Variants in HNF4A observed in about 807,000 individuals in gnomAD.
HNF4A encodes hepatocyte nuclear factor 4-alpha.
Under a neutral mutation model 52.4 loss-of-function variants are expected in HNF4A, and 15 were observed. That is an observed-to-expected ratio of 0.29 (90% CI 0.19 to 0.44). HNF4A has a LOEUF of 0.44. Ranked by LOEUF, HNF4A falls within the 20% of genes least tolerant of loss-of-function variation. The pLI is 1.00. For synonymous variants in HNF4A, 280 were observed against 264.4 expected, an observed-to-expected ratio of 1.06 and a Z score of -0.57; for missense variants, 479 against 647.2, an observed-to-expected ratio of 0.74 and a Z score of 2.82.
Position 44,355,841 on chromosome 20 carries a change from G to T in HNF4A, c.37G>T (p.Glu13Ter). Reference sequence around the variant, plus strand: ...GAACGCGCCCCTCGGGGCTCCAGTGGAGAGTTCTTACGGTAAGTGGGGCTG... The same window carrying T: ...GAACGCGCCCCTCGGGGCTCCAGTGTAGAGTTCTTACGGTAAGTGGGGCTG... The change falls in exon 1 of 10, where the codon GAG becomes TAG. Residue 13 changes from glutamate (E) to a stop codon, truncating the protein, a stop_gained. Transcript: ENST00000316673. LOFTEE classifies it high-confidence loss of function. 6.2e-7 allele frequency: 1 copy of T among 1,613,306 alleles called. No individual in the cohort carries two copies.
At chr20:44,369,272 A>AAAAAC (rs1568691507) in intron 1 of HNF4A, among the ~76,000 whole-genome samples, 11 of 148,218 alleles carry the variant, frequency 7.4e-5, no homozygotes, top group African/African-American at 2.5e-4. Context: ...AAAAAAAAAA[A>AAAAAC]AAAAAACTGG....
In HNF4A at chr20:44,430,670, C is replaced by G. The variant is rs1600756081; in HGVS notation, c.*1005C>G. The G allele has an allele frequency of 6.6e-6, 1 of 152,572 alleles. No individual in the cohort carries two copies. Among genetic ancestry groups the G allele is most frequent in the Non-Finnish European group, 1.5e-5 (1 of 68,192 alleles). 9.5% of individuals were successfully genotyped at this position (152,572 alleles called of 1,614,324 possible). ...CTGGAGAGCATAGGGTCTGGAACAC[C>G]AGGCTGAGGTCCTGATCAGCTTCAA... On this transcript the variant is annotated 3_prime_UTR_variant, in exon 10 of 10. Transcript: ENST00000316099.
Position 44,418,475 on chromosome 20 carries a change from C to T in HNF4A, c.699C>T (p.Thr233=), listed in dbSNP as rs754623231. The change falls in exon 6 of 10, where the codon ACC becomes ACT. Residue 233 remains threonine (T), a synonymous_variant. Coordinates refer to ENST00000316099, the MANE Select transcript of HNF4A (RefSeq NM_000457.6). ...GCGAGCACCTGCTGCTCGGAGCCAC[C>T]AAGAGATCCATGGTGTTCAAGGACG... The T allele has an allele frequency of 6.2e-7, 1 of 1,613,674 alleles. No homozygotes were observed. Among genetic ancestry groups the T allele is most frequent in the African/African-American group, 1.3e-5 (1 of 74,942 alleles).
intron 1 of HNF4A, among the ~76,000 whole-genome samples, chr20:44,382,857 T>A (rs2063172692): frequency 6.6e-6 from 1 of 152,134 alleles, no homozygotes; most frequent in Non-Finnish European, 1.5e-5. Context: ...GATTTTTTAC[T>A]TATCTCCATG....
upstream of HNF4A, chr20:44,401,209 C>T: frequency 6.7e-7 from 1 of 1,503,500 alleles, no homozygotes; most frequent in Non-Finnish European, 8.9e-7. Flanking sequence ...GCCTCCACCC[C>T]TTCACAGAGG....
At chr20:44,358,594 G>A (rs1189946220) in intron 1 of HNF4A, among the ~76,000 whole-genome samples, 1 of 151,886 alleles carries the variant, frequency 6.6e-6, no homozygotes, top group Non-Finnish European at 1.5e-5. Flanking sequence ...TTGGGCAGCA[G>A]AACAAGACTC....
rs761927262 is a variant in HNF4A, at chr20:44,424,206, T to C, written c.1081T>C (p.Phe361Leu). Residue 361 changes from phenylalanine to leucine, a missense_variant, in exon 8 of 10, where the codon TTC becomes CTC. Around this residue, in one of 3 missense-constraint regions of HNF4A, gnomAD observed 389 missense variants for 525.1 expected, o/e 0.74. Transcript: ENST00000316099. Reference sequence around the variant, plus strand: ...CGAGCAGATCCAGTTCATCAAGCTCTTCGGCATGGCCAAGATTGACAACCT... The same window carrying C: ...CGAGCAGATCCAGTTCATCAAGCTCCTCGGCATGGCCAAGATTGACAACCT... 6.2e-7 allele frequency: 1 copy of C among 1,614,134 alleles called. No homozygotes were observed. The highest frequency in any genetic ancestry group is 1.1e-5 in the South Asian group (1 of 91,038).
intron 1 of HNF4A, among the ~76,000 whole-genome samples, chr20:44,369,667 T>G (rs2063011421): frequency 6.6e-6 from 1 of 152,128 alleles, no homozygotes; most frequent in South Asian, 2.1e-4. Context: ...TTTCTTTCTT[T>G]CTTTCTTTTG....
chr20:44,426,105 GGAA>G (rs977757138), intron 8 of HNF4A, among the ~76,000 whole-genome samples: 1 of 152,194 alleles, frequency 6.6e-6, no homozygotes, highest in African/African-American at 2.4e-5. Flanking sequence ...TGGAGGGAAG[GGAA>G]GAAGACTGGC....
At chr20:44,387,710 C>A in intron 1 of HNF4A, among the ~76,000 whole-genome samples, 1 of 113,272 alleles carries the variant, frequency 8.8e-6, no homozygotes, top group Non-Finnish European at 2.0e-5. Flanking sequence ...CCTCCCCAAC[C>A]CTGGCAGGTT....
chr20:44,409,166 C>T (rs775597184), intron 3 of HNF4A, among the ~76,000 whole-genome samples: 1 of 152,148 alleles, frequency 6.6e-6, no homozygotes, highest in Non-Finnish European at 1.5e-5. Context: ...CTGCTCTGAA[C>T]GCTGCAATTC....
chr20:44,404,572 G>A (rs2063456577), intron 1 of HNF4A, among the ~76,000 whole-genome samples: 1 of 151,522 alleles, frequency 6.6e-6, no homozygotes, highest in African/African-American at 2.4e-5. Flanking sequence ...CTGTATGTGT[G>A]CACACATTTG....
At chr20:44,423,258 G>A (rs1298487132) in intron 7 of HNF4A, among the ~76,000 whole-genome samples, 1 of 152,156 alleles carries the variant, frequency 6.6e-6, no homozygotes, top group East Asian at 1.9e-4. Flanking sequence ...AGAGGTTGCG[G>A]TGAGCCGAGA....
chr20:44,423,422 T>G (rs1042981483), intron 7 of HNF4A, among the ~76,000 whole-genome samples: 4 of 152,136 alleles, frequency 2.6e-5, no homozygotes, highest in Non-Finnish European at 5.9e-5. Flanking sequence ...TCAGCAGTGA[T>G]GGAGGGGCCG....
chr20:44,405,208 T>A (rs2063483814), intron 1 of HNF4A, among the ~76,000 whole-genome samples: 2 of 152,130 alleles, frequency 1.3e-5, no homozygotes, highest in South Asian at 4.1e-4. Context: ...CTATCTTTGC[T>A]GAAAGATTTG....
intron 2 of HNF4A, 90 bp from the exon 3 acceptor site, chr20:44,407,290 TG>T (rs1360170020): frequency 2.5e-5 from 23 of 912,196 alleles, no homozygotes; most frequent in Admixed American, 2.0e-5. Context: ...GCACTGAGGT[TG>T]GGGGGTCAAC....
chr20:44,398,500 A>T (rs146647063), upstream of HNF4A, among the ~76,000 whole-genome samples: 2 of 152,376 alleles, frequency 1.3e-5, no homozygotes, highest in East Asian at 1.9e-4. Flanking sequence ...TGCGTCATTT[A>T]TATGAGGAAT....
intron 1 of HNF4A, among the ~76,000 whole-genome samples, chr20:44,359,619 G>A (rs1330696501): frequency 6.6e-6 from 1 of 152,148 alleles, no homozygotes; most frequent in Non-Finnish European, 1.5e-5. Context: ...TTTCTGGCCT[G>A]GAAGATTCTC....
chr20:44,404,939 C>T (rs200846340), intron 1 of HNF4A, among the ~76,000 whole-genome samples: 52 of 19,210 alleles, frequency 2.7e-3, no homozygotes, highest in South Asian at 4.1e-3. Flanking sequence ...GGTGTGTGTG[C>T]GTGTGTGGGA....
Sources: allele counts gnomAD v4.1 joint callset (sites outside exome capture counted in the v4.1 genomes callset), GRCh38; gene constraint gnomAD v4.1.1; regional missense constraint gnomAD v4.1.1; transcripts MANE v1.5; gene names NCBI Gene and HGNC (gene_info 2026-07-23, HGNC 2026-07-21).